PLEKHA5: variants seen among roughly 807,000 people sequenced by gnomAD.
PLEKHA5 encodes the protein pleckstrin homology domain-containing family A member 5.
Under a neutral mutation model 181.9 loss-of-function variants are expected in PLEKHA5, and 55 were observed. The observed-to-expected ratio is 0.30, with a 90% CI of 0.24 to 0.38. PLEKHA5 has a LOEUF of 0.38. Among genes scored for constraint, PLEKHA5 ranks in the 10% least tolerant of loss-of-function variants. PLEKHA5 has a pLI of 1.00. For missense variants in PLEKHA5, 1,432 were observed against 1,549.5 expected (o/e 0.92, Z 1.27); for synonymous variants, 535 against 529.4 (o/e 1.01, Z -0.15).
chr12:19,250,447 G>A lies in PLEKHA5; in HGVS notation c.228-3493G>A, dbSNP rs530638064. 3.3e-5 allele frequency among the ~76,000 whole-genome samples: 5 copies of A among 152,198 alleles called. No homozygotes were observed. In the South Asian group the frequency reaches 1.0e-3, roughly 32 times the overall value. ...AAAACTACAAAATTAGCCAGGCGTC[G>A]TGGTGCATACCTGTAGTCTCAAATA... On this transcript the variant is annotated intron_variant, in intron 3 of 31. Transcript: ENST00000429027.
chr12:19,226,118 G>C (rs766171496), intron 3 of PLEKHA5, among the ~76,000 whole-genome samples: 1 of 152,068 alleles, frequency 6.6e-6, no homozygotes, highest in Non-Finnish European at 1.5e-5. Flanking sequence ...CCTCTATCCA[G>C]TTCCAAAGAT....
At chr12:19,210,334 C>T (rs2056654598) in intron 3 of PLEKHA5, among the ~76,000 whole-genome samples, 1 of 152,158 alleles carries the variant, frequency 6.6e-6, no homozygotes, top group African/African-American at 2.4e-5. Context: ...AGTTCAAAAT[C>T]TACTTTGTAA....
intron 3 of PLEKHA5, among the ~76,000 whole-genome samples, chr12:19,218,847 C>G (rs949509958): frequency 1.3e-5 from 2 of 150,182 alleles, no homozygotes; most frequent in African/African-American, 4.9e-5. Flanking sequence ...GTTACATTTT[C>G]CTCTATATGT....
intron 6 of PLEKHA5, 49 bp downstream of exon 6, chr12:19,257,586 C>T (rs761613529): frequency 9.4e-6 from 9 of 954,510 alleles, no homozygotes; most frequent in Non-Finnish European, 1.2e-5. Flanking sequence ...TAGAAGGAAC[C>T]TTTTAAACTG....
intron 3 of PLEKHA5, among the ~76,000 whole-genome samples, chr12:19,165,945 T>C (rs2044266141): frequency 6.6e-6 from 1 of 152,210 alleles, no homozygotes; most frequent in Admixed American, 6.5e-5. Context: ...CCTTGAACCT[T>C]GTTTTCCTCC....
At chr12:19,284,422 C>G (rs1252904332) in intron 12 of PLEKHA5, among the ~76,000 whole-genome samples, 1 of 152,126 alleles carries the variant, frequency 6.6e-6, no homozygotes, top group African/African-American at 2.4e-5. Context: ...TCTACACCTA[C>G]TGTCTTCTGG....
intron 3 of PLEKHA5, among the ~76,000 whole-genome samples, chr12:19,218,333 T>C (rs1327638788): frequency 6.6e-6 from 1 of 152,182 alleles, no homozygotes; most frequent in Non-Finnish European, 1.5e-5. Context: ...CGGAGTTATT[T>C]TTGCCTAACT....
chr12:19,252,642 A>G (rs532344587), intron 3 of PLEKHA5, among the ~76,000 whole-genome samples: 2 of 152,244 alleles, frequency 1.3e-5, no homozygotes, highest in African/African-American at 4.8e-5. Context: ...AATTTTTTTC[A>G]GTAAATATAA....
chr12:19,299,516 G>T (rs529818024), intron 15 of PLEKHA5, among the ~76,000 whole-genome samples: 20 of 152,212 alleles, frequency 1.3e-4, no homozygotes, highest in African/African-American at 4.8e-4. Flanking sequence ...AATATTCCTG[G>T]TCTCACATCT....
At chr12:19,230,299 C>T (rs367962727) in intron 3 of PLEKHA5, among the ~76,000 whole-genome samples, 2 of 152,352 alleles carry the variant, frequency 1.3e-5, no homozygotes, top group South Asian at 2.1e-4. Flanking sequence ...GCTGGCTTCA[C>T]CTAGTGGATC....
chr12:19,327,744 A>G (rs1310848177), intron 20 of PLEKHA5, among the ~76,000 whole-genome samples: 1 of 150,466 alleles, frequency 6.6e-6, no homozygotes, highest in Non-Finnish European at 1.5e-5. Flanking sequence ...TTCCAAGTTC[A>G]AGCAGTTCTT....
At position 19,314,814 on chromosome 12, in the gene PLEKHA5, A is replaced by G. The variant is rs890116116; in HGVS notation, c.2038A>G (p.Met680Val). The G allele has an allele frequency of 3.3e-6, 5 of 1,525,524 alleles. No homozygotes were observed. The highest frequency in any genetic ancestry group is 4.5e-6 in the Non-Finnish European group (5 of 1,123,284). The allele number at this position is 1,525,524 out of a possible 1,614,324, so 94.5% of individuals were successfully genotyped here. The part of the protein sequence containing the change: ...QRNTIYLDHQ[M>V]KENEPIITMV... Reference sequence around the variant, plus strand: ...GTATGCTCCTCCTGATTTGAAATAGATGAAAGAAAATGAACCTATTATCAC... The same window carrying G: ...GTATGCTCCTCCTGATTTGAAATAGGTGAAAGAAAATGAACCTATTATCAC... The change falls in exon 16 of 32, where the codon ATG becomes GTG. Residue 680 changes from methionine (M) to valine (V), a missense_variant and splice_region_variant. By Grantham distance (21) the Met-to-Val change is conservative (BLOSUM62 1). Around this residue, in one of 2 missense-constraint regions of PLEKHA5, gnomAD observed 1,143 missense variants for 1,168.4 expected, o/e 0.98. Transcript: ENST00000429027.
intron 3 of PLEKHA5, among the ~76,000 whole-genome samples, chr12:19,156,292 G>T (rs2041703302): frequency 6.6e-6 from 1 of 151,350 alleles, no homozygotes. Context: ...TAATTAAAGA[G>T]TTTTTTATGG....
intron 3 of PLEKHA5, among the ~76,000 whole-genome samples, chr12:19,141,582 T>C (rs2037314837): frequency 1.3e-5 from 2 of 152,220 alleles, no homozygotes; most frequent in Admixed American, 6.5e-5. Context: ...ACCAGTGATA[T>C]TCAGGGAAGC....
At chr12:19,355,242 A>T (rs918244725) in intron 26 of PLEKHA5, among the ~76,000 whole-genome samples, 2 of 151,990 alleles carry the variant, frequency 1.3e-5, no homozygotes, top group Non-Finnish European at 2.9e-5. Flanking sequence ...GGCTGCAAAA[A>T]TGCTTCTACT....
At chr12:19,214,758 G>T (rs937242124) in intron 3 of PLEKHA5, among the ~76,000 whole-genome samples, 1 of 152,080 alleles carries the variant, frequency 6.6e-6, no homozygotes, top group South Asian at 2.1e-4. Flanking sequence ...AAATGAAAGA[G>T]TTGTCTGCCA....
intron 3 of PLEKHA5, among the ~76,000 whole-genome samples, chr12:19,228,268 A>G (rs1423707340): frequency 6.6e-6 from 1 of 152,170 alleles, no homozygotes; most frequent in Non-Finnish European, 1.5e-5. Context: ...ACAACCTTTC[A>G]GTCCTGCTCT....
intron 3 of PLEKHA5, among the ~76,000 whole-genome samples, chr12:19,144,716 A>G (rs1361321234): frequency 2.0e-5 from 3 of 152,184 alleles, no homozygotes; most frequent in African/African-American, 7.2e-5. Context: ...ATCAGTGGGA[A>G]AGCATATTGT....
At chr12:19,345,920 T>A in intron 23 of PLEKHA5, 32 bp downstream of exon 23, 1 of 1,029,736 alleles carries the variant, frequency 9.7e-7, no homozygotes, top group Non-Finnish European at 1.5e-6. Flanking sequence ...AATTATAAAT[T>A]ACTTTTAATG....
Sources: gnomAD v4.1 joint callset for allele counts (sites outside exome capture counted in the v4.1 genomes callset) on GRCh38, gnomAD v4.1.1 for gene constraint, gnomAD v4.1.1 regional missense constraint, MANE v1.5 for transcripts, NCBI Gene and HGNC (gene_info 2026-07-23, HGNC 2026-07-21) for gene names.